Variants in MBD3 observed in about 807,000 individuals in gnomAD.
MBD3 encodes the protein methyl-CpG-binding domain protein 3.
MBD3 carries 13 observed loss-of-function variants against 31.2 expected under a neutral mutation model. The observed-to-expected ratio is 0.42, with a 90% CI of 0.27 to 0.66. The LOEUF (loss-of-function observed/expected upper bound fraction) is 0.66, where lower values mean the gene tolerates loss of function less well. Among genes scored for constraint, MBD3 ranks in the 30% least tolerant of loss-of-function variants. The pLI, the probability that MBD3 is intolerant of heterozygous loss-of-function variation, is 0.26. For missense variants in MBD3, 440 were observed against 426.5 expected (o/e 1.03, Z -0.28); for synonymous variants, 223 against 187.4 (o/e 1.19, Z -1.55).
At chr19:1,592,002 C>G (rs906288625) in intron 1 of MBD3, 4 of 152,290 alleles carry the variant, frequency 2.6e-5, no homozygotes, top group African/African-American at 9.6e-5. Context: ...AAAAGCAACG[C>G]TGCGTGGGAG....
chr19:1,589,029 T>C (rs1378192991), intron 1 of MBD3, among the ~76,000 whole-genome samples: 3 of 152,070 alleles, frequency 2.0e-5, no homozygotes, highest in Admixed American at 6.6e-5. Flanking sequence ...AAACTGTATC[T>C]CGATAACACC....
At position 1,574,842 on chromosome 19, in the gene MBD3, C is replaced by T. The variant is rs996215098; in HGVS notation, c.*3322G>A. ...CGAGGGGCATCCCCGGGGATCTTTG[C>T]GGTGGCGAGTGTGTGCGGTGGTCAG... On this transcript the variant is annotated 3_prime_UTR_variant, in exon 7 of 7. Transcript: ENST00000434436. The T allele has an allele frequency of 1.1e-4, 22 of 196,912 alleles. No homozygotes were observed. Among genetic ancestry groups the T allele is most frequent in the Middle Eastern group, 8.6e-4 (1 of 1,160 alleles). The allele number at this position is 196,912 out of a possible 1,614,324, so 12.2% of individuals were successfully genotyped here.
intron 5 of MBD3, among the ~76,000 whole-genome samples, chr19:1,579,875 A>G (rs1037841189): frequency 2.0e-5 from 3 of 152,202 alleles, no homozygotes; most frequent in East Asian, 1.9e-4. Flanking sequence ...CTCCTGCCTC[A>G]GCCTCCCGAG....
At chr19:1,587,055 T>G (rs940986900) in intron 1 of MBD3, among the ~76,000 whole-genome samples, 3 of 151,590 alleles carry the variant, frequency 2.0e-5, no homozygotes, top group Admixed American at 2.0e-4. Context: ...AACCTCCGAC[T>G]TCCGGGTTCA....
chr19:1,581,712 T>TTCAGCATG (rs1917358392), intron 4 of MBD3: 1 of 283,762 alleles, frequency 3.5e-6, no homozygotes, highest in African/African-American at 2.2e-5. Context: ...GCCACTGTAC[T>TTCAGCATG]TCAGCATGGG....
In MBD3 at chr19:1,585,330, AGACCCCAACACGGCCCT is replaced by A. The variant is rs1459343410; in HGVS notation, c.111-133_111-117del. ...AGCTTCAGGTCGCGACCCCAGCCCCAGACCCCAACACGGCCCTGACCCCAAACCCAGGCAGGCCCTGG... is the reference window on the plus strand; with the variant it reads ...AGCTTCAGGTCGCGACCCCAGCCCCAGACCCCAAACCCAGGCAGGCCCTGG... On this transcript the variant is annotated intron_variant, in intron 1 of 6. Coordinates refer to ENST00000434436, the MANE Select transcript of MBD3 (RefSeq NM_001281453.2). This position sits in a 1 kb window ranked among gnomAD's most constrained non-coding sequence, Gnocchi z 4.1. 2 of 1,178,864 alleles carry A rather than the reference AGACCCCAACACGGCCCT, an allele frequency of 1.7e-6. No individual in the cohort carries two copies. Among genetic ancestry groups the A allele is most frequent in the South Asian group, 1.5e-5 (1 of 68,864 alleles). 73.0% of individuals were successfully genotyped at this position (1,178,864 alleles called of 1,614,324 possible).
intron 5 of MBD3, among the ~76,000 whole-genome samples, chr19:1,579,468 G>A (rs1270778257): frequency 6.6e-6 from 1 of 152,068 alleles, no homozygotes; most frequent in Non-Finnish European, 1.5e-5. Flanking sequence ...CGCAGCACGT[G>A]CTTCTGCCCA....
chr19:1,584,508 G>A (rs1414292601), intron 3 of MBD3, 32 bp downstream of exon 3: 2 of 1,610,380 alleles, frequency 1.2e-6, no homozygotes, highest in Non-Finnish European at 1.7e-6. Context: ...AACCCGGCCG[G>A]GAAGGCTGGG....
rs771879549 is a variant in MBD3 at position 1,576,473 on chromosome 19, G to T, written c.*1691C>A. ...CTAGGCTGAGCCAGCGGCACCTCAG[G>T]GGGCACGGCCCTTGCCCACAGATGC... On this transcript the variant is annotated 3_prime_UTR_variant, in exon 7 of 7. Coordinates refer to ENST00000434436, the MANE Select transcript of MBD3 (RefSeq NM_001281453.2). 6 of 152,298 alleles carry T rather than the reference G, an allele frequency of 3.9e-5. No homozygotes were observed. The highest frequency in any genetic ancestry group is 7.3e-5 in the Non-Finnish European group (5 of 68,128). 9.4% of individuals were successfully genotyped at this position (152,298 alleles called of 1,614,324 possible). A position where few individuals can be genotyped will look rare whatever the true frequency, so the allele number is the denominator to read the frequency against.
In MBD3 at chr19:1,578,268, C is replaced by G. The variant is rs1917258054; in HGVS notation, c.*5+67G>C. 1.3e-6 allele frequency: 2 copies of G among 1,595,508 alleles called. No individual in the cohort carries two copies. The highest frequency in any genetic ancestry group is 2.2e-5 in the South Asian group (2 of 90,808). ...GAGGCACCCGTCATCCCAAGCACAT[C>G]TGTGTTCACCAGGCAGTCCCCACTG... On this transcript the variant is annotated intron_variant, in intron 6 of 6. Transcript: ENST00000434436. The surrounding 1 kb of genome is among the most constrained non-coding windows in gnomAD (Gnocchi z 6.1).
chr19:1,584,722 G>T, intron 2 of MBD3, 45 bp from the exon 3 acceptor site: 2 of 1,590,330 alleles, frequency 1.3e-6, no homozygotes, highest in Non-Finnish European at 1.7e-6. Flanking sequence ...GCGCCCCGGC[G>T]GCGCGGAGCC....
In MBD3 at chr19:1,581,701, C is replaced by T. The variant is rs1047894484; in HGVS notation, c.500-432G>A. 2.4e-5 allele frequency: 7 copies of T among 295,036 alleles called. No individual in the cohort carries two copies. In the Admixed American group the frequency reaches 2.4e-4, roughly 10 times the overall value. 18.3% of individuals were successfully genotyped at this position (295,036 alleles called of 1,614,324 possible). Reference sequence around the variant, plus strand: ...TAGAGGCTGCTGTGAGTAGTAACGGCGCCACTGTACTTCAGCATGGGCCAC... The same window carrying T: ...TAGAGGCTGCTGTGAGTAGTAACGGTGCCACTGTACTTCAGCATGGGCCAC... On this transcript the variant is annotated intron_variant, in intron 4 of 6. Transcript: ENST00000434436.
chr19:1,578,258 C>T lies in MBD3; in HGVS notation c.*5+77G>A. 2 of 1,590,370 alleles carry T rather than the reference C, an allele frequency of 1.3e-6. No homozygotes were observed. Among genetic ancestry groups the T allele is most frequent in the African/African-American group, 1.3e-5 (1 of 74,776 alleles). The stretch of plus-strand genomic sequence containing the variant: ...AAGCTCTTGGGAGGCACCCGTCATC[C>T]CAAGCACATCTGTGTTCACCAGGCA... On this transcript the variant is annotated intron_variant, in intron 6 of 6. Transcript: ENST00000434436. This position sits in a 1 kb window ranked among gnomAD's most constrained non-coding sequence, Gnocchi z 6.1.
intron 2 of MBD3, 98 bp from the exon 3 acceptor site, chr19:1,584,775 C>A (rs1484715296): frequency 4.3e-5 from 54 of 1,261,974 alleles, no homozygotes; most frequent in Non-Finnish European, 5.7e-5. Context: ...TTTGCCGGCG[C>A]CCCTCGTGTC....
rs1402804615 is a variant in MBD3 at position 1,576,001 on chromosome 19, GA to G, written c.*2162del. ...CGACAGAGAGGGAGAGACAGCAAGA[GA>G]CAGAGACAGAGACCGAGGGAGAGAG... On this transcript the variant is annotated 3_prime_UTR_variant, in exon 7 of 7. Transcript: ENST00000434436. 6.6e-6 allele frequency: 1 copy of G among 152,356 alleles called. No individual in the cohort carries two copies. Among genetic ancestry groups the G allele is most frequent in the African/African-American group, 2.4e-5 (1 of 41,454 alleles). 9.4% of individuals were successfully genotyped at this position (152,356 alleles called of 1,614,324 possible).
At chr19:1,592,490 T>G (rs753420288) in intron 1 of MBD3, 32 bp downstream of exon 1, 1 of 1,249,348 alleles carries the variant, frequency 8.0e-7, no homozygotes, top group Non-Finnish European at 1.1e-6. Context: ...AGGAGCCCGT[T>G]GAGGCCCTGC....
rs148993623 is a variant in MBD3, at chr19:1,588,949, C to T, written c.110+3573G>A. Among the ~76,000 whole-genome samples the T allele has an allele frequency of 3.2e-3, 492 of 152,162 alleles. 4 individuals carry two copies. The highest frequency in any genetic ancestry group is 0.011 in the African/African-American group (449 of 41,506). On this transcript the variant is annotated intron_variant, in intron 1 of 6. Coordinates refer to ENST00000434436, the MANE Select transcript of MBD3 (RefSeq NM_001281453.2). Reference sequence around the variant, plus strand: ...GAATCTGAGGATAGCTGCCTATATCCGTAAATATGTGAATATGCTGAAAAA... The same window carrying T: ...GAATCTGAGGATAGCTGCCTATATCTGTAAATATGTGAATATGCTGAAAAA...
At chr19:1,588,874 G>A (rs1313153205) in intron 1 of MBD3, among the ~76,000 whole-genome samples, 1 of 151,912 alleles carries the variant, frequency 6.6e-6, no homozygotes. Flanking sequence ...GCACAAGGCA[G>A]TGGTAAATGG....
At chr19:1,590,734 A>T (rs1345827771) in intron 1 of MBD3, among the ~76,000 whole-genome samples, 1 of 152,264 alleles carries the variant, frequency 6.6e-6, no homozygotes, top group African/African-American at 2.4e-5. Flanking sequence ...AAAAAAGAAC[A>T]GCCTTGATAA....
Sources: allele counts gnomAD v4.1 joint callset (sites outside exome capture counted in the v4.1 genomes callset), GRCh38; gene constraint gnomAD v4.1.1; non-coding constraint Gnocchi (gnomAD v3.1); transcripts MANE v1.5; gene names NCBI Gene and HGNC (gene_info 2026-07-23, HGNC 2026-07-21).